The following FAT3 variants were observed in gnomAD, a reference collection of about 807,000 sequenced individuals.
The protein encoded by FAT3 is protocadherin Fat 3.
A neutral mutation model predicts 310.2 loss-of-function variants in FAT3; 95 were observed. That is an observed-to-expected ratio of 0.31 (90% confidence interval 0.26 to 0.36). The LOEUF (loss-of-function observed/expected upper bound fraction) is 0.36. Ranked by LOEUF, FAT3 falls within the 10% of genes least tolerant of loss-of-function variation. The pLI, the probability that FAT3 is intolerant of heterozygous loss-of-function variation, is 1.00. For synonymous variants in FAT3, 2,314 were observed against 2,192.9 expected (o/e 1.06, Z -1.54); for missense variants, 5,408 against 5,715.6 (o/e 0.95, Z 1.74).
At chr11:92,811,625 G>A (rs1947675421) in intron 13 of FAT3, among the ~76,000 whole-genome samples, 1 of 152,106 alleles carries the variant, frequency 6.6e-6, no homozygotes, top group Non-Finnish European at 1.5e-5. Flanking sequence ...TAGATTCTAG[G>A]CATTTAACAG....
intron 3 of FAT3, among the ~76,000 whole-genome samples, chr11:92,590,736 A>G (rs923139787): frequency 1.3e-5 from 2 of 152,146 alleles, no homozygotes; most frequent in Non-Finnish European, 2.9e-5. Flanking sequence ...CCTATTCATT[A>G]TATGCTGGGC....
At chr11:92,365,301 A>G (rs896383707) in intron 2 of FAT3, among the ~76,000 whole-genome samples, 4 of 152,106 alleles carry the variant, frequency 2.6e-5, no homozygotes, top group African/African-American at 7.2e-5. Context: ...GAATTAAGAT[A>G]AAAGTTTGAG....
At chr11:92,505,915 T>A (rs1953084956) in intron 2 of FAT3, among the ~76,000 whole-genome samples, 1 of 152,096 alleles carries the variant, frequency 6.6e-6, no homozygotes. Context: ...ACAGGAAGGA[T>A]CCTCTCTGCC....
At chr11:92,706,260 T>C (rs1170794800) in intron 4 of FAT3, among the ~76,000 whole-genome samples, 1 of 152,128 alleles carries the variant, frequency 6.6e-6, no homozygotes, top group Non-Finnish European at 1.5e-5. Flanking sequence ...ATTTCCCTAT[T>C]ATCTGAAGAG....
chr11:92,493,711 A>C, intron 2 of FAT3, among the ~76,000 whole-genome samples: 1 of 152,206 alleles, frequency 6.6e-6, no homozygotes, highest in African/African-American at 2.4e-5. Context: ...TGAATCCTTT[A>C]GGATGTGGCC....
intron 3 of FAT3, among the ~76,000 whole-genome samples, chr11:92,630,826 C>T (rs1338892384): frequency 2.0e-5 from 3 of 152,158 alleles, no homozygotes; most frequent in Non-Finnish European, 4.4e-5. Flanking sequence ...ATGCTTAACT[C>T]CATGAATTTA....
At chr11:92,422,086 C>A (rs956350161) in intron 2 of FAT3, among the ~76,000 whole-genome samples, 1 of 152,150 alleles carries the variant, frequency 6.6e-6, no homozygotes, top group Non-Finnish European at 1.5e-5. Context: ...CTCTGGTCAA[C>A]TTTTTTTGAC....
At chr11:92,609,323 A>AC (rs1940456022) in intron 3 of FAT3, among the ~76,000 whole-genome samples, 1 of 152,112 alleles carries the variant, frequency 6.6e-6, no homozygotes, top group South Asian at 2.1e-4. Flanking sequence ...GGAGTCTCTG[A>AC]CTAGTATTTA....
chr11:92,406,196 A>C (rs567102197), intron 2 of FAT3, among the ~76,000 whole-genome samples: 3 of 152,170 alleles, frequency 2.0e-5, no homozygotes, highest in East Asian at 3.9e-4. Context: ...AGTTTCCACT[A>C]TGAGTTCAGT....
chr11:92,772,635 A>G (rs1946488203), intron 6 of FAT3, among the ~76,000 whole-genome samples: 2 of 152,156 alleles, frequency 1.3e-5, no homozygotes, highest in South Asian at 4.1e-4. Flanking sequence ...TTTAAAAAGT[A>G]TATAATCTCC....
At chr11:92,846,360 T>C (rs1420974796) in intron 19 of FAT3, among the ~76,000 whole-genome samples, 1 of 152,160 alleles carries the variant, frequency 6.6e-6, no homozygotes. Flanking sequence ...AGCTGACAAT[T>C]GTAAAGTCAG....
intron 1 of FAT3, among the ~76,000 whole-genome samples, chr11:92,225,572 G>A (rs1863869148): frequency 6.6e-6 from 1 of 152,146 alleles, no homozygotes; most frequent in African/African-American, 2.4e-5. Flanking sequence ...TTGGCAGCCG[G>A]TGCCTCTCGG....
At chr11:92,647,443 G>C (rs1247742353) in intron 3 of FAT3, among the ~76,000 whole-genome samples, 2 of 152,122 alleles carry the variant, frequency 1.3e-5, no homozygotes, top group African/African-American at 4.8e-5. Flanking sequence ...CTAGGATGAA[G>C]AGTCTAGTCA....
At chr11:92,497,010 C>G (rs144586546) in intron 2 of FAT3, among the ~76,000 whole-genome samples, 76 of 152,132 alleles carry the variant, frequency 5.0e-4, no homozygotes, top group African/African-American at 1.8e-3. Context: ...CTTGTTTGGC[C>G]TCCTCACTTG....
At position 92,354,915 on chromosome 11, in the gene FAT3, G is replaced by C. The variant is rs747877701; in HGVS notation, c.2803G>C (p.Ala935Pro). The change falls in exon 2 of 28, where the codon GCT (alanine) becomes CCT (proline). Residue 935 changes from alanine (A) to proline (P), a missense_variant. Physicochemically the swap from Ala to Pro is conservative, Grantham distance 27 (BLOSUM62 -1). This residue lies in a region of FAT3 where 4,588 missense variants were observed against 4,809.8 expected (regional missense o/e 0.95). Transcript: ENST00000525166. ...FLDDVNDCSPAFIPSSYSVKV... is the reference protein window; with the variant it reads ...FLDDVNDCSPPFIPSSYSVKV... ...AGATGATGTCAATGACTGCTCCCCA[G>C]CTTTCATTCCCAGTAGCTATAGTGT... The C allele has an allele frequency of 6.2e-6, 10 of 1,613,858 alleles. No homozygotes were observed. Among genetic ancestry groups the C allele is most frequent in the Admixed American group, 5.0e-5 (3 of 59,976 alleles).
intron 3 of FAT3, among the ~76,000 whole-genome samples, chr11:92,612,691 A>G (rs542528886): frequency 2.0e-5 from 3 of 152,328 alleles, no homozygotes; most frequent in South Asian, 2.1e-4. Flanking sequence ...GTACTGCAAC[A>G]TATAATTAAA....
chr11:92,391,304 C>A (rs181272667), intron 2 of FAT3, among the ~76,000 whole-genome samples: 2 of 152,280 alleles, frequency 1.3e-5, no homozygotes, highest in Non-Finnish European at 2.9e-5. Flanking sequence ...TGTGTTCCTG[C>A]AACCTTGCCA....
intron 2 of FAT3, among the ~76,000 whole-genome samples, chr11:92,409,476 C>T (rs576994392): frequency 2.6e-5 from 4 of 152,128 alleles, no homozygotes; most frequent in Non-Finnish European, 4.4e-5. Context: ...AATATCAGCC[C>T]TCCACTACAG....
At chr11:92,467,438 A>G (rs1395289065) in intron 2 of FAT3, among the ~76,000 whole-genome samples, 1 of 152,018 alleles carries the variant, frequency 6.6e-6, no homozygotes, top group Non-Finnish European at 1.5e-5. Flanking sequence ...GACTCTACTT[A>G]TTATCTTGCC....
Sources: gnomAD v4.1 joint callset for allele counts (sites outside exome capture counted in the v4.1 genomes callset) on GRCh38, gnomAD v4.1.1 for gene constraint, gnomAD v4.1.1 regional missense constraint, MANE v1.5 for transcripts, NCBI Gene and HGNC (gene_info 2026-07-23, HGNC 2026-07-21) for gene names.